Variants in NALCN observed in about 807,000 individuals in gnomAD.
The protein encoded by NALCN is sodium leak channel NALCN.
A neutral mutation model predicts 225.3 loss-of-function variants in NALCN; 111 were observed. The ratio of observed to expected loss-of-function variants is 0.49; its 90% CI spans 0.42 to 0.58. NALCN has a LOEUF of 0.58. Ranked by LOEUF, NALCN falls within the 20% of genes least tolerant of loss-of-function variation. The pLI is 0.00. For missense variants in NALCN, 1,378 were observed against 2,202.4 expected, an observed-to-expected ratio of 0.63 and a Z score of 7.49; for synonymous variants, 764 against 769.0, an observed-to-expected ratio of 0.99 and a Z score of 0.11.
chr13:101,364,216 T>C (rs1462555715), intron 6 of NALCN, among the ~76,000 whole-genome samples: 4 of 152,060 alleles, frequency 2.6e-5, no homozygotes, highest in African/African-American at 7.2e-5. Context: ...AATTTCACTA[T>C]TGGGTATATA....
At chr13:101,093,018 T>C (rs2139564898) in intron 28 of NALCN, among the ~76,000 whole-genome samples, 1 of 152,326 alleles carries the variant, frequency 6.6e-6, no homozygotes, top group Non-Finnish European at 1.5e-5. Flanking sequence ...ACAAGCATAC[T>C]AGCTGGTGAA....
intron 27 of NALCN, among the ~76,000 whole-genome samples, chr13:101,099,188 G>C (rs903231297): frequency 6.6e-6 from 1 of 151,840 alleles, no homozygotes; most frequent in African/African-American, 2.4e-5. Flanking sequence ...ACAAGCTTGT[G>C]GATGAATGCG....
chr13:101,284,025 A>T lies in NALCN; in HGVS notation c.1048-6T>A. On this transcript the variant is annotated splice_region_variant and splice_polypyrimidine_tract_variant and intron_variant, in intron 9 of 43. Transcript: ENST00000251127. ...GCAGCATCTTCATGAAACATCTTCA[A>T]GACAAAGAAGGGAGATGAGTCAGAG... 6.2e-7 allele frequency: 1 copy of T among 1,612,274 alleles called. No individual in the cohort carries two copies. Among genetic ancestry groups the T allele is most frequent in the South Asian group, 1.1e-5 (1 of 90,738 alleles).
rs143107543 is a variant in NALCN at position 101,413,420 on chromosome 13, A to T, written c.-40+2893T>A. ...ACTGTTTATAATGATGAAAAACTGG[A>T]AACAGCAAATGTCCAATGATAGAGG... On this transcript the variant is annotated intron_variant, in intron 1 of 43. Coordinates refer to ENST00000251127, the MANE Select transcript of NALCN (RefSeq NM_052867.4). 3.7e-3 allele frequency among the ~76,000 whole-genome samples: 559 copies of T among 152,286 alleles called. 7 individuals carry two copies. Among genetic ancestry groups the T allele is most frequent in the Non-Finnish European group, 6.4e-3 (433 of 68,012 alleles).
chr13:101,341,458 CT>C (rs940279072), intron 7 of NALCN, among the ~76,000 whole-genome samples: 1 of 152,114 alleles, frequency 6.6e-6, no homozygotes, highest in African/African-American at 2.4e-5. Flanking sequence ...TTTTCTTTAG[CT>C]TTGATTTCCA....
chr13:101,154,728 G>T (rs1162075672), intron 15 of NALCN, among the ~76,000 whole-genome samples: 1 of 152,182 alleles, frequency 6.6e-6, no homozygotes, highest in Non-Finnish European at 1.5e-5. Context: ...ACAGGCAGAA[G>T]AGGATCATTT....
chr13:101,212,530 G>A lies in NALCN; in HGVS notation c.1626+16863C>T, dbSNP rs574683101. Among the ~76,000 whole-genome samples, 4 of 152,270 alleles carry A rather than the reference G, an allele frequency of 2.6e-5. No homozygotes were observed. In the East Asian group the frequency reaches 7.7e-4, roughly 29 times the overall value. Reference sequence around the variant, plus strand: ...TGAGTACATTTGTTCATGTCGGTATGCTTCCTAGCTGTGTTGCATAAAGAA... The same window carrying A: ...TGAGTACATTTGTTCATGTCGGTATACTTCCTAGCTGTGTTGCATAAAGAA... On this transcript the variant is annotated intron_variant, in intron 13 of 43. Coordinates refer to ENST00000251127, the MANE Select transcript of NALCN (RefSeq NM_052867.4).
rs779831670 is a variant in NALCN at position 101,068,788 on chromosome 13, A to G, written c.4237T>C (p.Trp1413Arg). 2 of 1,612,174 alleles carry G rather than the reference A, an allele frequency of 1.2e-6. No individual in the cohort carries two copies. Among genetic ancestry groups the G allele is most frequent in the African/African-American group, 2.7e-5 (2 of 74,914 alleles). ...PFCTPDEFTY[W>R]ATDCGNYAGA... ...GCATAATTTCCACAGTCTGTTGCCCAGTATGTAAATTCATCTGGAGTACAA... is the reference window on the plus strand; with the variant it reads ...GCATAATTTCCACAGTCTGTTGCCCGGTATGTAAATTCATCTGGAGTACAA... The change falls in exon 38 of 44, where the codon TGG becomes CGG. Residue 1413 changes from tryptophan to arginine, a missense_variant. Trp to Arg is a moderately radical substitution (Grantham distance 101). Around this residue, in one of 19 missense-constraint regions of NALCN, gnomAD observed 76 missense variants for 118.7 expected, o/e 0.64. Coordinates refer to ENST00000251127, the MANE Select transcript of NALCN (RefSeq NM_052867.4).
At chr13:101,075,006 G>C (rs116059168) in intron 35 of NALCN, among the ~76,000 whole-genome samples, 1 of 152,110 alleles carries the variant, frequency 6.6e-6, no homozygotes, top group East Asian at 1.9e-4. Context: ...TATGATAAGG[G>C]CTACACATTT....
chr13:101,411,519 T>C (rs997362111), intron 1 of NALCN, among the ~76,000 whole-genome samples: 1 of 151,928 alleles, frequency 6.6e-6, no homozygotes, highest in Non-Finnish European at 1.5e-5. Context: ...AGCTAATTTT[T>C]TTGTATTTTT....
Position 101,162,003 on chromosome 13 carries a change from G to A in NALCN, c.1839+14297C>T, listed in dbSNP as rs564242849. 1.1e-4 allele frequency among the ~76,000 whole-genome samples: 16 copies of A among 152,178 alleles called. No homozygotes were observed. In the East Asian group the frequency reaches 2.3e-3, roughly 22 times the overall value. ...CCACCCTGGTCTTCCTGCATTCTGG[G>A]TGCACAGAGGCTTTCCCTTCTCCCT... On this transcript the variant is annotated intron_variant, in intron 15 of 43. Transcript: ENST00000251127.
intron 11 of NALCN, 41 bp downstream of exon 11, chr13:101,258,402 T>G: frequency 6.2e-7 from 1 of 1,612,640 alleles, no homozygotes; most frequent in Non-Finnish European, 8.5e-7. Context: ...GCGGTTCACC[T>G]GCTCCTTGCC....
rs113465239 is a variant in NALCN, at chr13:101,170,544, G to A, written c.1839+5756C>T. ...GTTGACACATAAAATCAACTATCAT[G>A]CAGCTTAAGGCTAAAGAAAAACATT... On this transcript the variant is annotated intron_variant, in intron 15 of 43. Coordinates refer to ENST00000251127, the MANE Select transcript of NALCN (RefSeq NM_052867.4). Among the ~76,000 whole-genome samples, 496 of 152,264 alleles carry A rather than the reference G, an allele frequency of 3.3e-3. 4 individuals carry two copies. Among genetic ancestry groups the A allele is most frequent in the African/African-American group, 0.011 (468 of 41,540 alleles).
chr13:101,137,556 C>T (rs1438312316), intron 17 of NALCN, among the ~76,000 whole-genome samples: 2 of 151,932 alleles, frequency 1.3e-5, no homozygotes, highest in Non-Finnish European at 2.9e-5. Flanking sequence ...TAAATCTTAC[C>T]AGAATGACCT....
chr13:101,198,302 A>G (rs1286920681), intron 13 of NALCN, among the ~76,000 whole-genome samples: 8 of 152,206 alleles, frequency 5.3e-5, no homozygotes, highest in South Asian at 4.1e-4. Flanking sequence ...GGATCTAATT[A>G]AACTAAAGAG....
At chr13:101,196,676 T>C (rs1176914257) in intron 13 of NALCN, among the ~76,000 whole-genome samples, 4 of 152,200 alleles carry the variant, frequency 2.6e-5, no homozygotes, top group Non-Finnish European at 5.9e-5. Flanking sequence ...GCAATTATGC[T>C]TGAAATATCA....
intron 1 of NALCN, among the ~76,000 whole-genome samples, chr13:101,402,232 G>A (rs1205198930): frequency 6.6e-6 from 1 of 152,122 alleles, no homozygotes; most frequent in Non-Finnish European, 1.5e-5. Context: ...GCTTTCAAAA[G>A]GTTTCCGACA....
At chr13:101,296,622 C>T (rs1047766063) in intron 7 of NALCN, among the ~76,000 whole-genome samples, 2 of 152,152 alleles carry the variant, frequency 1.3e-5, no homozygotes, top group African/African-American at 4.8e-5. Flanking sequence ...GGCTAAACGA[C>T]CATATTTTTG....
intron 15 of NALCN, among the ~76,000 whole-genome samples, chr13:101,161,934 T>C (rs1327460895): frequency 6.6e-6 from 1 of 152,144 alleles, no homozygotes. Context: ...AGGCACTGCA[T>C]GGTTCATGCC....
Sources: gnomAD v4.1 joint callset for allele counts (sites outside exome capture counted in the v4.1 genomes callset) on GRCh38, gnomAD v4.1.1 for gene constraint, gnomAD v4.1.1 regional missense constraint, MANE v1.5 for transcripts, NCBI Gene and HGNC (gene_info 2026-07-23, HGNC 2026-07-21) for gene names.